The following SMG6 variants were observed in gnomAD, a reference collection of about 807,000 sequenced individuals.
SMG6 encodes the protein SMG6 nonsense mediated mRNA decay factor, also known as telomerase-binding protein EST1A.
Under a neutral mutation model 142.2 loss-of-function variants are expected in SMG6, and 66 were observed. The ratio of observed to expected loss-of-function variants is 0.46; its 90% CI spans 0.38 to 0.57. The LOEUF (loss-of-function observed/expected upper bound fraction) is 0.57, where lower values mean the gene tolerates loss of function less well. SMG6 is among the 20% of genes least tolerant of loss of function. The probability of loss-of-function intolerance (pLI) is 0.00; values close to 1 mark genes in which losing one functional copy is unlikely to be tolerated. For missense variants in SMG6, 1,793 were observed against 1,832.0 expected (o/e 0.98, Z 0.39); for synonymous variants, 779 against 702.4 (o/e 1.11, Z -1.72).
intron 10 of SMG6, among the ~76,000 whole-genome samples, chr17:2,189,512 C>T (rs2072095610): frequency 6.6e-6 from 1 of 152,124 alleles, no homozygotes. Context: ...CTGGCAGCAG[C>T]TAATCTGTGA....
At chr17:2,208,426 T>C (rs2072753011) in intron 10 of SMG6, among the ~76,000 whole-genome samples, 1 of 152,166 alleles carries the variant, frequency 6.6e-6, no homozygotes, top group Non-Finnish European at 1.5e-5. Flanking sequence ...GGATTTACAA[T>C]TCACCAAGCT....
rs1308011443 is a variant in SMG6, at chr17:2,245,015, G to A, written c.2662-296C>T. The A allele has an allele frequency of 8.4e-6, 3 of 357,626 alleles. No homozygotes were observed. In the East Asian group the frequency reaches 1.4e-4, roughly 17 times the overall value. 22.2% of individuals were successfully genotyped at this position (357,626 alleles called of 1,614,324 possible). A position where few individuals can be genotyped will look rare whatever the true frequency, so the allele number is the denominator to read the frequency against. On this transcript the variant is annotated intron_variant, in intron 8 of 18. Transcript: ENST00000263073. Reference sequence around the variant, plus strand: ...CCTAATAAGCAGGATATAAAGAAAGGTGCCCACAGCTCTCTGAGGATCTAG... The same window carrying A: ...CCTAATAAGCAGGATATAAAGAAAGATGCCCACAGCTCTCTGAGGATCTAG...
intron 8 of SMG6, among the ~76,000 whole-genome samples, chr17:2,262,531 T>C (rs1408739486): frequency 6.6e-6 from 1 of 152,160 alleles, no homozygotes; most frequent in Non-Finnish European, 1.5e-5. Flanking sequence ...CCATGCTATG[T>C]TTTTATCCAT....
chr17:2,172,528 T>C (rs566889081), intron 13 of SMG6, 130 bp downstream of exon 13: 2 of 956,608 alleles, frequency 2.1e-6, no homozygotes, highest in African/African-American at 1.6e-5. Context: ...AAAAGGTCGA[T>C]ATTTTCCCTT....
chr17:2,146,711 G>T (rs532809315), intron 13 of SMG6, among the ~76,000 whole-genome samples: 1 of 152,072 alleles, frequency 6.6e-6, no homozygotes, highest in African/African-American at 2.4e-5. Flanking sequence ...GACTACAGGC[G>T]CATGCTGCCA....
intron 10 of SMG6, among the ~76,000 whole-genome samples, chr17:2,212,298 T>A (rs2072888000): frequency 6.6e-6 from 1 of 151,658 alleles, no homozygotes; most frequent in Non-Finnish European, 1.5e-5. Flanking sequence ...CCCAAAAAAG[T>A]GAAATACATA....
intron 13 of SMG6, among the ~76,000 whole-genome samples, chr17:2,109,592 G>A (rs528662791): frequency 6.6e-6 from 1 of 152,076 alleles, no homozygotes; most frequent in African/African-American, 2.4e-5. Context: ...ATATTTTCAA[G>A]GCAGTAGATT....
chr17:2,235,425 C>T (rs1366346527), intron 10 of SMG6, among the ~76,000 whole-genome samples: 1 of 152,122 alleles, frequency 6.6e-6, no homozygotes, highest in Non-Finnish European at 1.5e-5. Flanking sequence ...TATTCACTCC[C>T]CCACCACAAC....
intron 12 of SMG6, among the ~76,000 whole-genome samples, chr17:2,178,553 C>T (rs2071714347): frequency 6.6e-6 from 1 of 152,208 alleles, no homozygotes; most frequent in Non-Finnish European, 1.5e-5. Flanking sequence ...ATAAACCTCT[C>T]CATGTTCTAA....
At chr17:2,232,338 G>A (rs567188634) in intron 10 of SMG6, among the ~76,000 whole-genome samples, 5 of 152,268 alleles carry the variant, frequency 3.3e-5, no homozygotes, top group South Asian at 2.1e-4. Context: ...TGTTAAATAC[G>A]GAGGCACGTG....
Position 2,283,621 on chromosome 17 carries a change from T to C in SMG6, c.2448+4A>G. ...AGGAAGGGTTCTGCCACATCCCCAC[T>C]CACCTTCCGCTTGGTCTCTTCAAAC... On this transcript the variant is annotated splice_donor_region_variant and intron_variant, in intron 7 of 18. Transcript: ENST00000263073. 6.2e-7 allele frequency: 1 copy of C among 1,611,048 alleles called. No individual in the cohort carries two copies. Among genetic ancestry groups the C allele is most frequent in the Non-Finnish European group, 8.5e-7 (1 of 1,177,286 alleles).
intron 12 of SMG6, among the ~76,000 whole-genome samples, chr17:2,174,870 C>T (rs2071611171): frequency 6.6e-6 from 1 of 152,198 alleles, no homozygotes; most frequent in African/African-American, 2.4e-5. Context: ...TTCAGGCTAC[C>T]AGCTGTAGAA....
chr17:2,095,771 G>A (rs779530503), intron 13 of SMG6, among the ~76,000 whole-genome samples: 1 of 152,246 alleles, frequency 6.6e-6, no homozygotes, highest in Non-Finnish European at 1.5e-5. Flanking sequence ...CGAGGAAGTC[G>A]GGATGGAAAA....
chr17:2,217,124 G>A (rs1198011275), intron 10 of SMG6, among the ~76,000 whole-genome samples: 1 of 152,044 alleles, frequency 6.6e-6, no homozygotes, highest in Non-Finnish European at 1.5e-5. Context: ...GTTTGGAAAT[G>A]GTTAAGTAAT....
At chr17:2,253,515 C>T (rs1477499471) in intron 8 of SMG6, among the ~76,000 whole-genome samples, 2 of 152,060 alleles carry the variant, frequency 1.3e-5, no homozygotes, top group African/African-American at 2.4e-5. Flanking sequence ...CTTCCTGCAC[C>T]GCACTTCAGA....
chr17:2,131,640 T>C (rs2070125718), intron 13 of SMG6, among the ~76,000 whole-genome samples: 1 of 152,098 alleles, frequency 6.6e-6, no homozygotes, highest in African/African-American at 2.4e-5. Context: ...GGAAAGGAAA[T>C]GGCTGATTTG....
chr17:2,231,399 A>G (rs770872274), intron 10 of SMG6, among the ~76,000 whole-genome samples: 10 of 152,076 alleles, frequency 6.6e-5, no homozygotes, highest in Non-Finnish European at 1.5e-4. Flanking sequence ...TACTAACACC[A>G]TTCAAAGCAA....
intron 10 of SMG6, among the ~76,000 whole-genome samples, chr17:2,216,470 T>C (rs765047542): frequency 6.6e-6 from 1 of 152,216 alleles, no homozygotes; most frequent in Non-Finnish European, 1.5e-5. Flanking sequence ...ATGGAAGTCT[T>C]ACAGAATTTT....
intron 10 of SMG6, among the ~76,000 whole-genome samples, chr17:2,226,136 G>A (rs752575210): frequency 6.6e-6 from 1 of 152,090 alleles, no homozygotes; most frequent in African/African-American, 2.4e-5. Flanking sequence ...TTAGCTGGGT[G>A]TGGTGGCGCA....
Sources: allele counts gnomAD v4.1 joint callset (sites outside exome capture counted in the v4.1 genomes callset), GRCh38; gene constraint gnomAD v4.1.1; transcripts MANE v1.5; gene names NCBI Gene and HGNC (gene_info 2026-07-23, HGNC 2026-07-21).